Variants in METTL2B observed in about 807,000 individuals in gnomAD.
METTL2B encodes the protein methyltransferase 2B, tRNA N3-cytidine.
Under a neutral mutation model 51.0 loss-of-function variants are expected in METTL2B, and 28 were observed. That is an observed-to-expected ratio of 0.55 (90% CI 0.41 to 0.75). The LOEUF (loss-of-function observed/expected upper bound fraction) is 0.75. Ranked by LOEUF, METTL2B falls within the 30% of genes least tolerant of loss-of-function variation. METTL2B has a pLI of 0.00. For missense variants in METTL2B, 313 were observed against 460.7 expected (o/e 0.68, Z 2.93); for synonymous variants, 128 against 166.3 (o/e 0.77, Z 1.77).
At chr7:128,490,338 T>G (rs1415575821) in intron 5 of METTL2B, among the ~76,000 whole-genome samples, 4 of 150,392 alleles carry the variant, frequency 2.7e-5, no homozygotes, top group African/African-American at 9.7e-5. Context: ...TTTTTTTTTT[T>G]TTTTTGAGAC....
At chr7:128,486,848 C>G (rs1305524011) in intron 4 of METTL2B, among the ~76,000 whole-genome samples, 1 of 152,152 alleles carries the variant, frequency 6.6e-6, no homozygotes, top group Non-Finnish European at 1.5e-5. Context: ...TCACTTGAAC[C>G]CAGGAGGCAA....
chr7:128,486,622 CATG>C (rs918943275), intron 4 of METTL2B, among the ~76,000 whole-genome samples: 1 of 151,470 alleles, frequency 6.6e-6, no homozygotes, highest in Non-Finnish European at 1.5e-5. Flanking sequence ...AAAAGAAAAA[CATG>C]AAGAAGAAAA....
chr7:128,500,863 A>G (rs776322023), intron 7 of METTL2B, 40 bp from the exon 8 acceptor site: 2 of 1,609,802 alleles, frequency 1.2e-6, no homozygotes, highest in Non-Finnish European at 1.7e-6. Context: ...TCAAAGAGAC[A>G]CTTTAAAGTG....
chr7:128,499,776 C>G (rs911837492), intron 7 of METTL2B, among the ~76,000 whole-genome samples: 9 of 152,142 alleles, frequency 5.9e-5, no homozygotes, highest in African/African-American at 2.2e-4. Flanking sequence ...CCACCTCGGC[C>G]TCCCAAAGTC....
rs1563031122 is a variant in METTL2B at position 128,498,077 on chromosome 7, C to T, written c.851C>T (p.Pro284Leu). 6.2e-7 allele frequency: 1 copy of T among 1,613,826 alleles called. No individual in the cohort carries two copies. The highest frequency in any genetic ancestry group is 2.2e-5 in the East Asian group (1 of 44,876). The stretch of plus-strand genomic sequence containing the variant: ...AACAGGCTGAGCAGGCTTCTGAAAC[C>T]TGGGGGGATGGTACTTCTGCGAGAT... Reference protein sequence around the residue: ...AINRLSRLLKPGGMVLLRDYG... With the variant: ...AINRLSRLLKLGGMVLLRDYG... The change falls in exon 7 of 9, where the codon CCT becomes CTT. Residue 284 changes from proline to leucine, a missense_variant. Physicochemically the swap from Pro to Leu is moderately conservative, Grantham distance 98. Around this residue, in one of 4 missense-constraint regions of METTL2B, gnomAD observed 138 missense variants for 187.6 expected, o/e 0.74. Transcript: ENST00000262432.
chr7:128,490,439 G>A (rs1792808162), intron 5 of METTL2B, among the ~76,000 whole-genome samples: 1 of 151,344 alleles, frequency 6.6e-6, no homozygotes, highest in South Asian at 2.1e-4. Flanking sequence ...AACCTGATGA[G>A]ATGATTCCAT....
chr7:128,487,682 G>A (rs3958070), intron 4 of METTL2B, among the ~76,000 whole-genome samples: 3 of 152,174 alleles, frequency 2.0e-5, no homozygotes, highest in African/African-American at 4.8e-5. Context: ...TGTAATCGCC[G>A]CTGTGAAAGC....
At chr7:128,482,925 T>C (rs1440467625) in intron 4 of METTL2B, 3 of 152,244 alleles carry the variant, frequency 2.0e-5, no homozygotes, top group African/African-American at 7.2e-5. Context: ...TCATATAATA[T>C]ATACTTTGCC....
rs117145781 is a variant in METTL2B, at chr7:128,498,316, G to A, written c.916+174G>A. ...ATGAGAACACATGGACGCGGGGTGG[G>A]GGGCATCACACACTGGGGCCTGTCT... is the stretch of plus-strand genomic sequence containing the variant. On this transcript the variant is annotated intron_variant, in intron 7 of 8. Transcript: ENST00000262432. Among the ~76,000 whole-genome samples, 359 of 150,420 alleles carry A rather than the reference G, an allele frequency of 2.4e-3. 3 individuals carry two copies. The East Asian group carries it at 0.04, about 17-fold the overall frequency.
At chr7:128,477,033 C>T in intron 1 of METTL2B, 49 bp from the exon 2 acceptor site, 1 of 1,612,738 alleles carries the variant, frequency 6.2e-7, no homozygotes, top group South Asian at 1.1e-5. Context: ...ACTCACCCTG[C>T]TCGCAGCCAG....
At chr7:128,490,934 C>G (rs1792817005) in intron 5 of METTL2B, among the ~76,000 whole-genome samples, 1 of 151,052 alleles carries the variant, frequency 6.6e-6, no homozygotes, top group South Asian at 2.1e-4. Context: ...AGGCCACGGC[C>G]AGCGGATCAT....
chr7:128,502,885 A>G lies in METTL2B; in HGVS notation c.*969A>G. The stretch of plus-strand genomic sequence containing the variant: ...TGTACTCCAGCCTGGGCAACAAAGC[A>G]AGACTCTGTCTCAAAAAAATAAAAA... On this transcript the variant is annotated 3_prime_UTR_variant, in exon 9 of 9. Coordinates refer to ENST00000262432, the MANE Select transcript of METTL2B (RefSeq NM_018396.3). The G allele has an allele frequency of 4.7e-6, 1 of 212,912 alleles. No homozygotes were observed. The highest frequency in any genetic ancestry group is 9.6e-6 in the Non-Finnish European group (1 of 103,810). The allele number at this position is 212,912 out of a possible 1,614,324, so 13.2% of individuals were successfully genotyped here.
Position 128,501,877 on chromosome 7 carries a change from G to T in METTL2B, c.1098G>T (p.Gln366His), listed in dbSNP as rs753239204. The stretch of plus-strand genomic sequence containing the variant: ...TGACAATGTACCGGGTTTGGATTCA[G>T]TGCAAATACTGCAAGCCCCTTCTGT... The part of the protein sequence containing the change: ...KQLTMYRVWI[Q>H]CKYCKPLLSS... The change falls in exon 9 of 9, where the codon CAG becomes CAT. Residue 366 changes from glutamine to histidine, a missense_variant. By Grantham distance (24) the Gln-to-His change is conservative. Transcript: ENST00000262432. 2.5e-6 allele frequency: 4 copies of T among 1,614,102 alleles called. No individual in the cohort carries two copies. In the African/African-American group the frequency reaches 5.3e-5, roughly 22 times the overall value.
chr7:128,483,731 A>G (rs116067094), intron 4 of METTL2B, among the ~76,000 whole-genome samples: 179 of 150,506 alleles, frequency 1.2e-3, no homozygotes, highest in African/African-American at 4.1e-3. Context: ...TGATTGATTG[A>G]TTGGTTGATT....
intron 4 of METTL2B, 23 bp from the exon 5 acceptor site, chr7:128,488,078 T>G: frequency 1.9e-6 from 2 of 1,063,578 alleles, no homozygotes; most frequent in South Asian, 1.6e-5. Context: ...GTCTCATTGT[T>G]TTGTCTTTTC....
At chr7:128,489,879 C>T (rs1349995553) in intron 5 of METTL2B, among the ~76,000 whole-genome samples, 2 of 151,990 alleles carry the variant, frequency 1.3e-5, no homozygotes, top group East Asian at 1.9e-4. Flanking sequence ...CCGCCCGCCT[C>T]GGCCTCCCAA....
At chr7:128,498,940 T>C (rs937984566) in intron 7 of METTL2B, among the ~76,000 whole-genome samples, 63 of 149,486 alleles carry the variant, frequency 4.2e-4, no homozygotes, top group African/African-American at 1.4e-3. Context: ...GAGCTTGCAG[T>C]GAGCCGAGAT....
In METTL2B at chr7:128,477,120, C is replaced by G. The variant is rs761934718; in HGVS notation, c.149C>G (p.Ala50Gly). 2 of 1,614,014 alleles carry G rather than the reference C, an allele frequency of 1.2e-6. No individual in the cohort carries two copies. The highest frequency in any genetic ancestry group is 4.5e-5 in the East Asian group (2 of 44,870). Residue 50 changes from alanine (A) to glycine (G), a missense_variant, in exon 2 of 9, where the codon GCG (alanine) becomes GGG (glycine). By Grantham distance (60) the Ala-to-Gly change is moderately conservative. Transcript: ENST00000262432. ...TGGTCGGAAGAGCAAGCCGCGGCGG[C>G]GGAGAGAAAAGTCCAGGAGAACAGT... is the stretch of plus-strand genomic sequence containing the variant. ...VEWSEEQAAA[A>G]ERKVQENSIQ...
In METTL2B at chr7:128,490,659, T is replaced by A. The variant is rs192059029; in HGVS notation, c.669+2498T>A. Among the ~76,000 whole-genome samples, 75 of 152,308 alleles carry A rather than the reference T, an allele frequency of 4.9e-4. 1 individual carries two copies. Among genetic ancestry groups the A allele is most frequent in the African/African-American group, 1.7e-3 (72 of 41,576 alleles). ...GTTTTGCACGTGGCCCCAACGTGCT[T>A]GCTTCTTCCAGTCCCTTACAAGCTC... On this transcript the variant is annotated intron_variant, in intron 5 of 8. Transcript: ENST00000262432.
Sources: gnomAD v4.1 joint callset for allele counts (sites outside exome capture counted in the v4.1 genomes callset) on GRCh38, gnomAD v4.1.1 for gene constraint, gnomAD v4.1.1 regional missense constraint, MANE v1.5 for transcripts, NCBI Gene and HGNC (gene_info 2026-07-23, HGNC 2026-07-21) for gene names.